The following RORA variants were observed in gnomAD, a reference collection of about 807,000 sequenced individuals.
RORA encodes the protein nuclear receptor ROR-alpha.
RORA carries 7 observed loss-of-function variants against 69.5 expected under a neutral mutation model. The ratio of observed to expected loss-of-function variants is 0.10; its 90% confidence interval spans 0.06 to 0.19. The LOEUF is 0.19. Among genes scored for constraint, RORA ranks in the 10% least tolerant of loss-of-function variants. The pLI, the probability that RORA is intolerant of heterozygous loss-of-function variation, is 1.00. For synonymous variants in RORA, 261 were observed against 240.8 expected (o/e 1.08, Z -0.78); for missense variants, 457 against 663.0 (o/e 0.69, Z 3.41).
At chr15:60,715,785 C>G (rs1481000766) in intron 1 of RORA, among the ~76,000 whole-genome samples, 2 of 152,082 alleles carry the variant, frequency 1.3e-5, no homozygotes, top group African/African-American at 2.4e-5. Context: ...AACACACTCA[C>G]CATTTAATAG....
intron 1 of RORA, among the ~76,000 whole-genome samples, chr15:60,882,327 T>A (rs2073690266): frequency 6.6e-6 from 1 of 152,190 alleles, no homozygotes. Flanking sequence ...TGCACTGACC[T>A]CTAATGGGCA....
intron 1 of RORA, among the ~76,000 whole-genome samples, chr15:60,979,635 T>C (rs1472881397): frequency 1.3e-5 from 2 of 152,188 alleles, no homozygotes; most frequent in East Asian, 1.9e-4. Flanking sequence ...GGATTTTTCA[T>C]TGTAAGTGTA....
intron 1 of RORA, among the ~76,000 whole-genome samples, chr15:60,773,307 A>T (rs940868559): frequency 1.8e-4 from 27 of 152,292 alleles, no homozygotes; most frequent in Non-Finnish European, 7.4e-5. Flanking sequence ...TGATTTACTG[A>T]AAACCTTTTT....
intron 1 of RORA, among the ~76,000 whole-genome samples, chr15:60,813,596 C>T (rs2072772546): frequency 6.6e-6 from 1 of 152,200 alleles, no homozygotes; most frequent in Non-Finnish European, 1.5e-5. Context: ...ATCTTCCCAT[C>T]AGCCTGCCAT....
chr15:61,116,371 A>G (rs1166284117), intron 1 of RORA, among the ~76,000 whole-genome samples: 1 of 152,186 alleles, frequency 6.6e-6, no homozygotes, highest in African/African-American at 2.4e-5. Context: ...TATGTATACC[A>G]CTGGCCTACA....
intron 1 of RORA, among the ~76,000 whole-genome samples, chr15:60,821,098 C>G (rs341374): frequency 6.6e-6 from 1 of 151,996 alleles, no homozygotes; most frequent in Admixed American, 6.5e-5. Context: ...AGCTGTAGGG[C>G]CTAGGACCTT....
intron 5 of RORA, chr15:60,510,283 G>T (rs772070047): frequency 1.3e-5 from 2 of 152,148 alleles, no homozygotes; most frequent in Non-Finnish European, 2.9e-5. Context: ...AACTACAAAG[G>T]TTCTTATCAA....
chr15:60,695,399 G>C (rs892045255), intron 1 of RORA, among the ~76,000 whole-genome samples: 4 of 151,890 alleles, frequency 2.6e-5, no homozygotes, highest in Admixed American at 6.6e-5. Context: ...ATCCATCCGA[G>C]TATGTACATG....
intron 1 of RORA, among the ~76,000 whole-genome samples, chr15:61,193,319 G>A (rs2079818138): frequency 6.6e-6 from 1 of 152,208 alleles, no homozygotes; most frequent in Admixed American, 6.5e-5. Context: ...CTACCACTGG[G>A]TGTACTACAT....
intron 1 of RORA, among the ~76,000 whole-genome samples, chr15:61,218,731 T>C (rs1596080561): frequency 6.8e-6 from 1 of 147,986 alleles, no homozygotes; most frequent in South Asian, 2.2e-4. Flanking sequence ...ACAAAAAAGA[T>C]GGCATTCCAT....
At chr15:60,691,857 G>T (rs1055362682) in intron 1 of RORA, among the ~76,000 whole-genome samples, 2 of 152,166 alleles carry the variant, frequency 1.3e-5, no homozygotes, top group Non-Finnish European at 2.9e-5. Flanking sequence ...AAGCTGTAAA[G>T]GTTATAACCC....
intron 1 of RORA, among the ~76,000 whole-genome samples, chr15:61,006,036 T>C (rs1894904052): frequency 6.6e-6 from 1 of 152,176 alleles, no homozygotes; most frequent in South Asian, 2.1e-4. Flanking sequence ...TGGCGCGATC[T>C]TGGCTCACTG....
chr15:60,570,163 G>C (rs918914905), intron 2 of RORA, among the ~76,000 whole-genome samples: 4 of 152,026 alleles, frequency 2.6e-5, no homozygotes, highest in Non-Finnish European at 5.9e-5. Context: ...CACAAACACA[G>C]CCCGGGCACT....
chr15:61,053,315 C>T (rs1202246934), intron 1 of RORA, among the ~76,000 whole-genome samples: 1 of 151,994 alleles, frequency 6.6e-6, no homozygotes, highest in Admixed American at 6.5e-5. Flanking sequence ...CACCCACCCC[C>T]TTCCCGGGAG....
chr15:60,860,166 G>A (rs1026201177), intron 1 of RORA, among the ~76,000 whole-genome samples: 3 of 152,194 alleles, frequency 2.0e-5, no homozygotes, highest in African/African-American at 7.2e-5. Context: ...GAGATCAGAT[G>A]AGTCAAGTTC....
chr15:61,112,063 A>C (rs1217218283), intron 1 of RORA, among the ~76,000 whole-genome samples: 1 of 152,190 alleles, frequency 6.6e-6, no homozygotes, highest in Non-Finnish European at 1.5e-5. Context: ...TAAACTCCAC[A>C]CTATTCAAAG....
At chr15:60,898,473 A>C (rs1891290581) in intron 1 of RORA, among the ~76,000 whole-genome samples, 2 of 151,756 alleles carry the variant, frequency 1.3e-5, no homozygotes, top group Admixed American at 6.6e-5. Context: ...AGAATAGCCT[A>C]GGCAACACAG....
At chr15:60,818,590 A>G (rs2072848166) in intron 1 of RORA, among the ~76,000 whole-genome samples, 1 of 152,196 alleles carries the variant, frequency 6.6e-6, no homozygotes, top group South Asian at 2.1e-4. Flanking sequence ...AGAGCCTTCA[A>G]AGGTCCCTTC....
At chr15:60,937,511 C>G (rs1216722608) in intron 1 of RORA, among the ~76,000 whole-genome samples, 1 of 152,134 alleles carries the variant, frequency 6.6e-6, no homozygotes, top group Non-Finnish European at 1.5e-5. Context: ...TGAGATCATT[C>G]AGTTCAAAGC....
Sources: allele counts gnomAD v4.1 joint callset (sites outside exome capture counted in the v4.1 genomes callset), GRCh38; gene constraint gnomAD v4.1.1; transcripts MANE v1.5; gene names NCBI Gene and HGNC (gene_info 2026-07-23, HGNC 2026-07-21).